Variants in CAMKMT observed in about 807,000 individuals in gnomAD.
CAMKMT encodes the protein CaM KMT.
A neutral mutation model predicts 48.0 loss-of-function variants in CAMKMT; 53 were observed. The observed-to-expected ratio is 1.10, with a 90% confidence interval of 0.89 to 1.39. The LOEUF (loss-of-function observed/expected upper bound fraction) is 1.39. CAMKMT is among the 40% of genes most tolerant of loss of function. CAMKMT has a pLI of 0.00. For missense variants in CAMKMT, 428 were observed against 402.7 expected, an observed-to-expected ratio of 1.06 and a Z score of -0.54; for synonymous variants, 165 against 152.3, an observed-to-expected ratio of 1.08 and a Z score of -0.61.
chr2:44,667,504 C>G (rs1209648046), intron 3 of CAMKMT, among the ~76,000 whole-genome samples: 1 of 152,218 alleles, frequency 6.6e-6, no homozygotes, highest in Admixed American at 6.5e-5. Context: ...GACACTCCCT[C>G]TTATTTGCTG....
At chr2:44,604,531 A>G (rs1303749215) in intron 3 of CAMKMT, among the ~76,000 whole-genome samples, 1 of 151,494 alleles carries the variant, frequency 6.6e-6, no homozygotes, top group Non-Finnish European at 1.5e-5. Flanking sequence ...GGTTGTGGGT[A>G]TAAGCAAACC....
chr2:44,642,456 G>A (rs894984616), intron 3 of CAMKMT, among the ~76,000 whole-genome samples: 3 of 152,190 alleles, frequency 2.0e-5, no homozygotes, highest in East Asian at 1.9e-4. Context: ...TGCTTCCTGC[G>A]GCTGAACGGG....
intron 3 of CAMKMT, among the ~76,000 whole-genome samples, chr2:44,586,860 A>G (rs1193703064): frequency 2.0e-5 from 3 of 152,198 alleles, no homozygotes; most frequent in African/African-American, 7.2e-5. Context: ...TGGTAGGTAT[A>G]TGTTTAACTT....
chr2:44,631,710 G>A (rs1020555600), intron 3 of CAMKMT: 1 of 392,332 alleles, frequency 2.5e-6, no homozygotes, highest in Non-Finnish European at 4.5e-6. Flanking sequence ...TTTAATTATT[G>A]ATATGGTTAT....
chr2:44,573,069 G>A (rs550425481), intron 3 of CAMKMT, among the ~76,000 whole-genome samples: 1 of 151,508 alleles, frequency 6.6e-6, no homozygotes, highest in East Asian at 1.9e-4. Context: ...TTCATGTGCT[G>A]CTATTAGTAA....
Position 44,593,921 on chromosome 2 carries a change from G to A in CAMKMT, c.377-110362G>A, listed in dbSNP as rs545381128. ...TGGGACTACAGGCATGTACCACCAC[G>A]CCTGGCTAATTTGGTATTTTTAGTA... is the stretch of plus-strand genomic sequence containing the variant. On this transcript the variant is annotated intron_variant, in intron 3 of 10. Transcript: ENST00000378494. 5.9e-5 allele frequency among the ~76,000 whole-genome samples: 9 copies of A among 151,966 alleles called. No homozygotes were observed. In the South Asian group the frequency reaches 1.5e-3, roughly 25 times the overall value.
chr2:44,459,143 C>T (rs1667726322), intron 3 of CAMKMT, among the ~76,000 whole-genome samples: 1 of 151,870 alleles, frequency 6.6e-6, no homozygotes, highest in Admixed American at 6.6e-5. Flanking sequence ...TTTTCAGATT[C>T]TCTCAGAATT....
intron 3 of CAMKMT, among the ~76,000 whole-genome samples, chr2:44,554,458 G>A (rs979122301): frequency 2.0e-5 from 3 of 152,186 alleles, no homozygotes; most frequent in East Asian, 1.9e-4. Flanking sequence ...AATATTCGCC[G>A]GGCACAGTGG....
chr2:44,728,357 G>A (rs1678900854), intron 7 of CAMKMT, among the ~76,000 whole-genome samples: 1 of 152,180 alleles, frequency 6.6e-6, no homozygotes, highest in Non-Finnish European at 1.5e-5. Context: ...CTGTGGTCAT[G>A]AGGGATATTG....
intron 7 of CAMKMT, 35 bp from the exon 8 acceptor site, chr2:44,743,587 C>G (rs1486244832): frequency 6.7e-7 from 1 of 1,485,098 alleles, no homozygotes; most frequent in South Asian, 1.2e-5. Flanking sequence ...AAAAAAAACC[C>G]TATGTATAAT....
At chr2:44,500,847 A>T (rs975860940) in intron 3 of CAMKMT, among the ~76,000 whole-genome samples, 16 of 151,838 alleles carry the variant, frequency 1.1e-4, no homozygotes, top group African/African-American at 3.9e-4. Flanking sequence ...ACACCCAGCT[A>T]ATTTTTGTAT....
At chr2:44,545,940 A>G (rs1667371016) in intron 3 of CAMKMT, among the ~76,000 whole-genome samples, 1 of 152,076 alleles carries the variant, frequency 6.6e-6, no homozygotes, top group Admixed American at 6.5e-5. Context: ...ATAAGATTCT[A>G]ATATTTTTTG....
At chr2:44,763,906 A>C (rs1680722929) in intron 9 of CAMKMT, among the ~76,000 whole-genome samples, 1 of 152,188 alleles carries the variant, frequency 6.6e-6, no homozygotes, top group Non-Finnish European at 1.5e-5. Context: ...CCGACTCTTC[A>C]AGTGTTACTG....
rs541200549 is a variant in CAMKMT at position 44,653,657 on chromosome 2, A to G, written c.377-50626A>G. 4.6e-5 allele frequency among the ~76,000 whole-genome samples: 7 copies of G among 152,364 alleles called. No individual in the cohort carries two copies. The highest frequency in any genetic ancestry group is 1.7e-4 in the African/African-American group (7 of 41,588). On this transcript the variant is annotated intron_variant, in intron 3 of 10. Coordinates refer to ENST00000378494, the MANE Select transcript of CAMKMT (RefSeq NM_024766.5). The surrounding 1 kb of genome is among the most constrained non-coding windows in gnomAD (Gnocchi z 5.2). ...GTTAGGTTCCCAGGAGGAGGAGTCT[A>G]CATTAGTGACAGGTGACCAACCAAG...
intron 3 of CAMKMT, among the ~76,000 whole-genome samples, chr2:44,398,129 C>A (rs1051164423): frequency 6.6e-6 from 1 of 152,146 alleles, no homozygotes; most frequent in Non-Finnish European, 1.5e-5. Context: ...AGTACTGTCC[C>A]GTTTAATAAT....
chr2:44,736,713 T>C (rs940081317), intron 7 of CAMKMT, among the ~76,000 whole-genome samples: 1 of 152,218 alleles, frequency 6.6e-6, no homozygotes, highest in African/African-American at 2.4e-5. Context: ...TCCATATATT[T>C]CATTTTGGAT....
At chr2:44,559,281 G>T (rs750932345) in intron 3 of CAMKMT, among the ~76,000 whole-genome samples, 1 of 152,124 alleles carries the variant, frequency 6.6e-6, no homozygotes, top group Non-Finnish European at 1.5e-5. Context: ...GAACTCCTCC[G>T]AGAGCATCTG....
intron 3 of CAMKMT, among the ~76,000 whole-genome samples, chr2:44,412,107 G>A (rs1572805706): frequency 1.4e-5 from 2 of 146,452 alleles, no homozygotes; most frequent in East Asian, 4.2e-4. Flanking sequence ...GCATATAAAA[G>A]TAACCACAAG....
At chr2:44,398,997 T>C (rs1488469395) in intron 3 of CAMKMT, among the ~76,000 whole-genome samples, 2 of 152,160 alleles carry the variant, frequency 1.3e-5, no homozygotes, top group Admixed American at 1.3e-4. Context: ...GTGGGAACAG[T>C]TTGCAGGAAG....
Sources: gnomAD v4.1 joint callset for allele counts (sites outside exome capture counted in the v4.1 genomes callset) on GRCh38, gnomAD v4.1.1 for gene constraint, Gnocchi (gnomAD v3.1) non-coding constraint, MANE v1.5 for transcripts, NCBI Gene and HGNC (gene_info 2026-07-23, HGNC 2026-07-21) for gene names.